Variants in GPAM observed in about 807,000 individuals in gnomAD.
GPAM encodes glycerol-3-phosphate acyltransferase, mitochondrial, also known as glycerol-3-phosphate acyltransferase 1, mitochondrial.
A neutral mutation model predicts 105.0 loss-of-function variants in GPAM; 56 were observed. The observed-to-expected ratio is 0.53, with a 90% CI of 0.43 to 0.67. The LOEUF (loss-of-function observed/expected upper bound fraction) is 0.67, where lower values mean the gene tolerates loss of function less well. Ranked by LOEUF, GPAM falls within the 30% of genes least tolerant of loss-of-function variation. The probability of loss-of-function intolerance (pLI) is 0.00; values close to 1 mark genes in which losing one functional copy is unlikely to be tolerated. For synonymous variants in GPAM, 368 were observed against 354.4 expected (o/e 1.04, Z -0.43); for missense variants, 855 against 989.8 (o/e 0.86, Z 1.83).
intron 1 of GPAM, among the ~76,000 whole-genome samples, chr10:112,212,259 GTTTTCGCTGTT>G: frequency 6.6e-6 from 1 of 152,130 alleles, no homozygotes; most frequent in Non-Finnish European, 1.5e-5. Context: ...AGTAATTCCG[GTTTTCGCTGTT>G]ACTTTTTTTT....
At chr10:112,186,770 C>T (rs1016903223), upstream of GPAM, among the ~76,000 whole-genome samples, 5 of 152,140 alleles carry the variant, frequency 3.3e-5, no homozygotes, top group African/African-American at 1.2e-4. Context: ...AGGCCGGTCT[C>T]GATCTCCTGA....
chr10:112,159,888 A>G (rs1847090495), intron 17 of GPAM, 23 bp downstream of exon 17: 1 of 1,611,656 alleles, frequency 6.2e-7, no homozygotes, highest in Admixed American at 1.7e-5. Flanking sequence ...GAGACCAGGC[A>G]ACACTGAAGG....
At chr10:112,155,047 T>G in intron 20 of GPAM, 1 of 327,390 alleles carries the variant, frequency 3.1e-6, no homozygotes, top group Non-Finnish European at 5.8e-6. Flanking sequence ...TTCTTTAAGC[T>G]ACCCAGTGGT....
At chr10:112,224,234 A>T in the GPAM span, among the ~76,000 whole-genome samples, 1 of 152,242 alleles carries the variant, frequency 6.6e-6, no homozygotes, top group Admixed American at 6.5e-5. Context: ...AGCAAAAAAA[A>T]TCCCAGCCAT....
At position 112,153,400 on chromosome 10, in the gene GPAM, T is replaced by C. The variant is rs1361201798; in HGVS notation, c.*150A>G. 2 of 1,580,976 alleles carry C rather than the reference T, an allele frequency of 1.3e-6. No homozygotes were observed. Among genetic ancestry groups the C allele is most frequent in the South Asian group, 1.1e-5 (1 of 88,958 alleles). On this transcript the variant is annotated 3_prime_UTR_variant, in exon 22 of 22. Transcript: ENST00000348367. ...CAGAGCTGGGAAGATCACAGATCCA[T>C]GGAGGGAGAAGGCACTTGTCTTCCA... is the stretch of plus-strand genomic sequence containing the variant.
rs1424501070 is a variant in GPAM at position 112,151,322 on chromosome 10, C to T, written c.*2228G>A. The T allele has an allele frequency of 2.0e-6, 2 of 985,450 alleles. No homozygotes were observed. The highest frequency in any genetic ancestry group is 1.7e-5 in the African/African-American group (1 of 57,170). The allele number at this position is 985,450 out of a possible 1,614,324, so 61.0% of individuals were successfully genotyped here. A position where few individuals can be genotyped will look rare whatever the true frequency, so the allele number is the denominator to read the frequency against. On this transcript the variant is annotated 3_prime_UTR_variant, in exon 22 of 22. Coordinates refer to ENST00000348367, the MANE Select transcript of GPAM (RefSeq NM_001244949.2). ...GGAAGCTTCATTGTGAAGATGCTTT[C>T]GTTTTTTTGTTTTTTGTTTTCAGTC... is the stretch of plus-strand genomic sequence containing the variant.
At chr10:112,180,717 C>A in intron 3 of GPAM, 122 bp from the exon 4 acceptor site, 7 of 836,066 alleles carry the variant, frequency 8.4e-6, no homozygotes, top group Non-Finnish European at 1.4e-5. Flanking sequence ...GGGTGATTTT[C>A]ATTTAAGTAC....
At chr10:112,226,289 G>C in the GPAM span, among the ~76,000 whole-genome samples, 1 of 152,190 alleles carries the variant, frequency 6.6e-6, no homozygotes, top group African/African-American at 2.4e-5. Flanking sequence ...GGAACCAGGT[G>C]GGTTTTGCCC....
chr10:112,201,900 TA>T (rs1454343086), intron 1 of GPAM, among the ~76,000 whole-genome samples: 2 of 152,218 alleles, frequency 1.3e-5, no homozygotes, highest in Non-Finnish European at 2.9e-5. Context: ...TCAGCATAGC[TA>T]CCATTTATTG....
At chr10:112,178,845 G>C (rs561359159) in intron 4 of GPAM, among the ~76,000 whole-genome samples, 1 of 152,184 alleles carries the variant, frequency 6.6e-6, no homozygotes, top group Non-Finnish European at 1.5e-5. Flanking sequence ...GATCTAAAGA[G>C]TATGGTCTTT....
chr10:112,172,291 C>A lies in GPAM; in HGVS notation c.685G>T (p.Val229Phe). Residue 229 changes from valine to phenylalanine, a missense_variant, in exon 9 of 22, where the codon GTT becomes TTT. Coordinates refer to ENST00000348367, the MANE Select transcript of GPAM (RefSeq NM_001244949.2). ...AGATAGTCAATATGGGATCTATGAA[C>A]TGGTAGAAACAGAAGCGGCAAATTC... Reference protein sequence around the residue: ...ETNLPLLFLPVHRSHIDYLLL... With the variant: ...ETNLPLLFLPFHRSHIDYLLL... The A allele has an allele frequency of 5.6e-6, 9 of 1,612,672 alleles. No homozygotes were observed. Among genetic ancestry groups the A allele is most frequent in the African/African-American group, 1.3e-5 (1 of 74,986 alleles).
At chr10:112,156,495 C>T (rs1847019996) in intron 19 of GPAM, 24 of 263,294 alleles carry the variant, frequency 9.1e-5, no homozygotes, top group Middle Eastern at 1.4e-3. Flanking sequence ...CCCTGCCTCC[C>T]CTAAATGGCC....
At position 112,151,669 on chromosome 10, in the gene GPAM, T is replaced by G. The variant is rs931117622; in HGVS notation, c.*1881A>C. 1.0e-6 allele frequency: 1 copy of G among 985,220 alleles called. No homozygotes were observed. The highest frequency in any genetic ancestry group is 1.2e-6 in the Non-Finnish European group (1 of 829,854). The allele number at this position is 985,220 out of a possible 1,614,324, so 61.0% of individuals were successfully genotyped here. Reference sequence around the variant, plus strand: ...TGCAGCAATGACAGGCAGGGCAGAGTGTCGACTGGGAAGCGAGTCCCAATC... The same window carrying G: ...TGCAGCAATGACAGGCAGGGCAGAGGGTCGACTGGGAAGCGAGTCCCAATC... On this transcript the variant is annotated 3_prime_UTR_variant, in exon 22 of 22. Transcript: ENST00000348367.
chr10:112,157,363 A>G lies in GPAM; in HGVS notation c.2007T>C (p.Pro669=). Residue 669 remains proline, a synonymous_variant, in exon 19 of 22, where the codon CCT becomes CCC. Transcript: ENST00000348367. ...AEHDDQEDIS[P]SLAEQQWDKK... ...TGTCCCACTGCTGCTCAGCAAGACTAGGACTGATATCTTCCTGGTCATCGT... is the reference window on the plus strand; with the variant it reads ...TGTCCCACTGCTGCTCAGCAAGACTGGGACTGATATCTTCCTGGTCATCGT... 3 of 1,613,774 alleles carry G rather than the reference A, an allele frequency of 1.9e-6. No homozygotes were observed. Among genetic ancestry groups the G allele is most frequent in the Non-Finnish European group, 2.5e-6 (3 of 1,179,620 alleles).
chr10:112,206,983 G>A (rs564071753), intron 1 of GPAM, among the ~76,000 whole-genome samples: 74 of 152,220 alleles, frequency 4.9e-4, no homozygotes, highest in African/African-American at 1.7e-3. Flanking sequence ...AAGCTACAAA[G>A]CCTAATACAG....
Position 112,177,967 on chromosome 10 carries a change from A to C in GPAM, c.299+17T>G, listed in dbSNP as rs772041343. 2.9e-6 allele frequency: 4 copies of C among 1,397,612 alleles called. No homozygotes were observed. In the East Asian group the frequency reaches 9.1e-5, roughly 32 times the overall value. 86.6% of individuals were successfully genotyped at this position (1,397,612 alleles called of 1,614,324 possible). The stretch of plus-strand genomic sequence containing the variant: ...TTCTTTTGAGATGTATTAAAAACAT[A>C]AGAAATTTCTTTTTACCTTGTGTGA... On this transcript the variant is annotated intron_variant, in intron 5 of 21. Transcript: ENST00000348367.
At chr10:112,155,564 C>T in intron 20 of GPAM, 3 of 315,066 alleles carry the variant, frequency 9.5e-6, no homozygotes, top group South Asian at 9.3e-5. Context: ...CCATCAACAG[C>T]AGAATGAATA....
intron 1 of GPAM, among the ~76,000 whole-genome samples, chr10:112,207,178 A>G (rs1847861597): frequency 6.6e-6 from 1 of 152,216 alleles, no homozygotes; most frequent in Non-Finnish European, 1.5e-5. Flanking sequence ...GAGAGGTACC[A>G]CTGGCATCTA....
At chr10:112,181,386 C>T (rs1227325549) in intron 3 of GPAM, among the ~76,000 whole-genome samples, 1 of 151,688 alleles carries the variant, frequency 6.6e-6, no homozygotes, top group African/African-American at 2.4e-5. Flanking sequence ...AAGTACATAC[C>T]AAGAGAAAGA....
Sources: allele counts gnomAD v4.1 joint callset (sites outside exome capture counted in the v4.1 genomes callset), GRCh38; gene constraint gnomAD v4.1.1; transcripts MANE v1.5; gene names NCBI Gene and HGNC (gene_info 2026-07-23, HGNC 2026-07-21).